DOCK4: variants seen among roughly 807,000 people sequenced by gnomAD.
The protein encoded by DOCK4 is dedicator of cytokinesis 4.
DOCK4 carries 97 observed loss-of-function variants against 268.1 expected under a neutral mutation model. That is an observed-to-expected ratio of 0.36 (90% CI 0.31 to 0.43). The LOEUF is 0.43. Among genes scored for constraint, DOCK4 ranks in the 20% least tolerant of loss-of-function variants. The pLI, the probability that DOCK4 is intolerant of heterozygous loss-of-function variation, is 1.00. For synonymous variants in DOCK4, 954 were observed against 887.2 expected (o/e 1.08, Z -1.34); for missense variants, 2,145 against 2,455.7 (o/e 0.87, Z 2.67).
intron 49 of DOCK4, 122 bp from the exon 50 acceptor site, chr7:111,737,111 A>C: frequency 1.3e-6 from 1 of 770,612 alleles, no homozygotes; most frequent in Non-Finnish European, 2.1e-6. Context: ...GTGTGATATG[A>C]TGAGCCTAGG....
At chr7:112,080,795 C>T (rs1808510431) in intron 1 of DOCK4, among the ~76,000 whole-genome samples, 1 of 152,170 alleles carries the variant, frequency 6.6e-6, no homozygotes, top group African/African-American at 2.4e-5. Context: ...ATGTCATTTT[C>T]CTCAGGCTCT....
chr7:112,112,352 C>T (rs937349778), intron 1 of DOCK4, among the ~76,000 whole-genome samples: 2 of 152,270 alleles, frequency 1.3e-5, no homozygotes, highest in East Asian at 1.9e-4. Flanking sequence ...CAGAAGAAGA[C>T]GCTGGAGCTG....
chr7:112,183,862 C>T (rs573663396), intron 1 of DOCK4, among the ~76,000 whole-genome samples: 2 of 152,302 alleles, frequency 1.3e-5, no homozygotes, highest in South Asian at 2.1e-4. Flanking sequence ...CTTGCCTTTG[C>T]TTTTGCTGTT....
chr7:111,729,809 T>A (rs1188563293), intron 52 of DOCK4, among the ~76,000 whole-genome samples: 1 of 152,182 alleles, frequency 6.6e-6, no homozygotes, highest in Non-Finnish European at 1.5e-5. Context: ...TCTCCAGCCA[T>A]CACTCCAGAC....
chr7:111,991,606 AT>A (rs1452645108), intron 5 of DOCK4, among the ~76,000 whole-genome samples: 4 of 152,110 alleles, frequency 2.6e-5, no homozygotes, highest in African/African-American at 9.7e-5. Flanking sequence ...GCAGACTTAG[AT>A]TTAGATTCAG....
At chr7:111,936,210 C>T (rs1345733599) in intron 11 of DOCK4, among the ~76,000 whole-genome samples, 1 of 152,198 alleles carries the variant, frequency 6.6e-6, no homozygotes, top group Admixed American at 6.5e-5. Context: ...ATTAACACAG[C>T]TTGTACTGGC....
At chr7:111,765,279 T>G (rs143820644) in intron 38 of DOCK4, 57 bp from the exon 39 acceptor site, 1 of 976,850 alleles carries the variant, frequency 1.0e-6, no homozygotes, top group Admixed American at 3.5e-5. Flanking sequence ...TTCTATCAAA[T>G]TTATAGAATA....
chr7:111,844,646 T>C (rs1803949882), intron 25 of DOCK4, 117 bp downstream of exon 25: 1 of 1,293,496 alleles, frequency 7.7e-7, no homozygotes, highest in Non-Finnish European at 1.0e-6. Context: ...GATTTTGAAA[T>C]GCTGATGGGT....
chr7:111,782,953 C>G, intron 34 of DOCK4, 29 bp from the exon 35 acceptor site: 1 of 1,583,722 alleles, frequency 6.3e-7, no homozygotes, highest in East Asian at 2.3e-5. Flanking sequence ...AGTCAGAACT[C>G]AGAACTTCCT....
chr7:112,171,018 T>C (rs888264586), intron 1 of DOCK4, among the ~76,000 whole-genome samples: 1 of 152,192 alleles, frequency 6.6e-6, no homozygotes, highest in African/African-American at 2.4e-5. Flanking sequence ...AACGTGAACA[T>C]GAACCAGACT....
At chr7:111,828,888 G>GTATATA (rs144430528) in intron 26 of DOCK4, among the ~76,000 whole-genome samples, 19 of 143,278 alleles carry the variant, frequency 1.3e-4, no homozygotes, top group South Asian at 2.2e-4. Flanking sequence ...GTGTGTGTGT[G>GTATATA]TATATATATA....
At chr7:111,732,160 G>T in intron 52 of DOCK4, 66 bp downstream of exon 52, 1 of 1,490,038 alleles carries the variant, frequency 6.7e-7, no homozygotes, top group Non-Finnish European at 9.3e-7. Flanking sequence ...GATATATCTG[G>T]GATGAGTCTT....
chr7:112,051,083 T>C (rs986380056), intron 1 of DOCK4, among the ~76,000 whole-genome samples: 4 of 152,118 alleles, frequency 2.6e-5, no homozygotes, highest in Non-Finnish European at 5.9e-5. Flanking sequence ...GTTAATACTA[T>C]ATAATACCAC....
At chr7:112,121,278 G>A (rs754031567) in intron 1 of DOCK4, among the ~76,000 whole-genome samples, 1 of 152,110 alleles carries the variant, frequency 6.6e-6, no homozygotes, top group Non-Finnish European at 1.5e-5. Context: ...TGTATCCTTG[G>A]ATAAAGACTC....
intron 3 of DOCK4, 32 bp from the exon 4 acceptor site, chr7:111,998,535 G>A (rs368807622): frequency 9.5e-5 from 146 of 1,539,800 alleles, no homozygotes; most frequent in African/African-American, 5.7e-4. Flanking sequence ...TTACGATGCC[G>A]GCTGTTAAGG....
chr7:111,832,808 C>T (rs879679943), intron 26 of DOCK4, among the ~76,000 whole-genome samples: 3 of 152,240 alleles, frequency 2.0e-5, no homozygotes, highest in Non-Finnish European at 2.9e-5. Context: ...GCCTGAGCCA[C>T]GGCGCCCCGC....
At chr7:112,131,268 A>G (rs1360858886) in intron 1 of DOCK4, among the ~76,000 whole-genome samples, 1 of 152,146 alleles carries the variant, frequency 6.6e-6, no homozygotes, top group Non-Finnish European at 1.5e-5. Flanking sequence ...AAATCACTCC[A>G]TGGTGACTAC....
rs188418866 is a variant in DOCK4 at position 111,887,051 on chromosome 7, A to G, written c.1587+8561T>C. ...TTGGGATTACCCCCAAATCTCTTGA[A>G]TAAGAAAAATCTCAGGTGGTTCTAA... On this transcript the variant is annotated intron_variant, in intron 16 of 52. Transcript: ENST00000428084. 1.2e-4 allele frequency among the ~76,000 whole-genome samples: 18 copies of G among 152,336 alleles called. No individual in the cohort carries two copies. The East Asian group carries it at 3.5e-3, about 29-fold the overall frequency.
intron 30 of DOCK4, among the ~76,000 whole-genome samples, chr7:111,802,413 C>T (rs1009401938): frequency 1.4e-4 from 22 of 152,186 alleles, no homozygotes; most frequent in Admixed American, 1.2e-3. Context: ...CAGCTATGCT[C>T]TCTCTGCTGC....
Sources: gnomAD v4.1 joint callset for allele counts (sites outside exome capture counted in the v4.1 genomes callset) on GRCh38, gnomAD v4.1.1 for gene constraint, MANE v1.5 for transcripts, NCBI Gene and HGNC (gene_info 2026-07-23, HGNC 2026-07-21) for gene names.